FOXP2: variants seen among roughly 807,000 people sequenced by gnomAD.
FOXP2 encodes the protein forkhead box protein P2.
FOXP2 carries 12 observed loss-of-function variants against 115.8 expected under a neutral mutation model. The observed-to-expected ratio is 0.10, with a 90% CI of 0.07 to 0.17. FOXP2 has a LOEUF of 0.17. Among genes scored for constraint, FOXP2 ranks in the 10% least tolerant of loss-of-function variants. The pLI is 1.00. For missense variants in FOXP2, 629 were observed against 843.5 expected (o/e 0.75, Z 3.15); for synonymous variants, 328 against 297.7 (o/e 1.10, Z -1.05).
intron 2 of FOXP2, among the ~76,000 whole-genome samples, chr7:114,492,500 T>A (rs1263989070): frequency 6.6e-6 from 1 of 152,158 alleles, no homozygotes; most frequent in Non-Finnish European, 1.5e-5. Context: ...TTAATTGTGA[T>A]GTTAGGGTGT....
chr7:114,440,229 A>G (rs1161801688), intron 2 of FOXP2, among the ~76,000 whole-genome samples: 3 of 152,168 alleles, frequency 2.0e-5, no homozygotes, highest in Non-Finnish European at 2.9e-5. Context: ...TAAATCCTAT[A>G]CCCTTTTAAA....
rs1372634410 is a variant in FOXP2, at chr7:114,692,336, T to C, written c.*2410T>C. On this transcript the variant is annotated 3_prime_UTR_variant, in exon 17 of 17. Transcript: ENST00000350908. Reference sequence around the variant, plus strand: ...TACCTGTAGAGTTTTGCATGGGTTTTATATGAATACAATTTTAAAAAATAG... The same window carrying C: ...TACCTGTAGAGTTTTGCATGGGTTTCATATGAATACAATTTTAAAAAATAG... 2.2e-6 allele frequency: 1 copy of C among 453,992 alleles called. No homozygotes were observed. Among genetic ancestry groups the C allele is most frequent in the East Asian group, 6.9e-5 (1 of 14,394 alleles). 28.1% of individuals were successfully genotyped at this position (453,992 alleles called of 1,614,324 possible).
chr7:114,333,884 T>C (rs1797775080), intron 2 of FOXP2, among the ~76,000 whole-genome samples: 1 of 147,026 alleles, frequency 6.8e-6, no homozygotes, highest in Non-Finnish European at 1.5e-5. Context: ...TGAGACTCCA[T>C]CTCAATTAAA....
At position 114,232,338 on chromosome 7, in the gene FOXP2, T is replaced by C. The variant is rs561644289; in HGVS notation, c.-101-55681T>C. Among the ~76,000 whole-genome samples, 61 of 152,288 alleles carry C rather than the reference T, an allele frequency of 4.0e-4. 1 individual carries two copies. The South Asian group carries it at 0.012, about 30-fold the overall frequency. On this transcript the variant is annotated intron_variant, in intron 1 of 17. Coordinates refer to the FOXP2 transcript ENST00000634411. ...CCAAAAATTAAAAATAGAACTACCTTGTGATCCATCAATCCTACTTCTAGT... is the reference window on the plus strand; with the variant it reads ...CCAAAAATTAAAAATAGAACTACCTCGTGATCCATCAATCCTACTTCTAGT...
At chr7:114,641,100 C>T (rs952239511) in intron 6 of FOXP2, among the ~76,000 whole-genome samples, 1 of 152,124 alleles carries the variant, frequency 6.6e-6, no homozygotes, top group East Asian at 1.9e-4. Context: ...GGATTTAAAT[C>T]ACAACTTTAC....
intron 3 of FOXP2, among the ~76,000 whole-genome samples, chr7:114,589,841 G>A (rs1802354481): frequency 1.3e-5 from 2 of 152,014 alleles, no homozygotes; most frequent in Non-Finnish European, 2.9e-5. Context: ...TCTTTTGTTT[G>A]TCAACTTAGG....
intron 2 of FOXP2, among the ~76,000 whole-genome samples, chr7:114,370,144 A>G (rs1029529731): frequency 6.6e-6 from 1 of 152,166 alleles, no homozygotes; most frequent in Non-Finnish European, 1.5e-5. Flanking sequence ...ATTAAGTTCT[A>G]TGTCAGTCTC....
intron 1 of FOXP2, among the ~76,000 whole-genome samples, chr7:114,146,019 T>C (rs1252256597): frequency 6.6e-6 from 1 of 152,178 alleles, no homozygotes; most frequent in Non-Finnish European, 1.5e-5. Flanking sequence ...CTGGGTACTT[T>C]CTGTAGAGTG....
chr7:114,502,193 G>A (rs2129253137), intron 2 of FOXP2, among the ~76,000 whole-genome samples: 1 of 151,962 alleles, frequency 6.6e-6, no homozygotes, highest in Admixed American at 6.6e-5. Flanking sequence ...CATACTTAAG[G>A]CATATCTGTG....
At chr7:114,469,293 C>T (rs1562944938) in intron 2 of FOXP2, among the ~76,000 whole-genome samples, 2 of 152,054 alleles carry the variant, frequency 1.3e-5, no homozygotes, top group African/African-American at 2.4e-5. Flanking sequence ...TATCCTATGT[C>T]ATATACAATA....
chr7:114,659,765 T>C, intron 13 of FOXP2, 92 bp downstream of exon 13: 2 of 959,288 alleles, frequency 2.1e-6, no homozygotes, highest in Non-Finnish European at 3.4e-6. Context: ...AGCAGATTAG[T>C]ATCTGCTTCC....
At chr7:114,495,798 T>C (rs746229408) in intron 2 of FOXP2, among the ~76,000 whole-genome samples, 3 of 152,154 alleles carry the variant, frequency 2.0e-5, no homozygotes, top group Non-Finnish European at 1.5e-5. Context: ...TAAGCAACCA[T>C]GCCCGGCCAC....
chr7:114,123,845 C>T (rs542352620), intron 1 of FOXP2, among the ~76,000 whole-genome samples: 1 of 151,978 alleles, frequency 6.6e-6, no homozygotes, highest in Non-Finnish European at 1.5e-5. Flanking sequence ...CTACCATACA[C>T]AGCATTTTCT....
chr7:114,415,548 GTT>G, intron 1 of FOXP2, among the ~76,000 whole-genome samples, 188 bp downstream of exon 1: 1 of 151,702 alleles, frequency 6.6e-6, no homozygotes, highest in South Asian at 2.1e-4. Flanking sequence ...CACAGGAACT[GTT>G]TTTGATCTGT....
At chr7:114,146,156 C>T (rs935436516) in intron 1 of FOXP2, among the ~76,000 whole-genome samples, 18 of 152,070 alleles carry the variant, frequency 1.2e-4, no homozygotes, top group African/African-American at 4.3e-4. Flanking sequence ...AAACTAGATA[C>T]CATGTAAACT....
At chr7:114,356,823 C>A (rs1386742611) in intron 2 of FOXP2, among the ~76,000 whole-genome samples, 1 of 152,126 alleles carries the variant, frequency 6.6e-6, no homozygotes. Context: ...AATTATATTT[C>A]CGGATTGAAT....
intron 2 of FOXP2, among the ~76,000 whole-genome samples, chr7:114,517,087 TC>T (rs1436193266): frequency 1.3e-5 from 2 of 152,154 alleles, no homozygotes; most frequent in African/African-American, 4.8e-5. Flanking sequence ...TATTTTGTAT[TC>T]ATCTGATGAT....
chr7:114,211,800 C>T (rs1203933637), intron 1 of FOXP2, among the ~76,000 whole-genome samples: 1 of 152,080 alleles, frequency 6.6e-6, no homozygotes, highest in African/African-American at 2.4e-5. Context: ...CTGCCGGGCA[C>T]GATGGCTCAC....
chr7:114,599,781 TC>T, intron 3 of FOXP2, among the ~76,000 whole-genome samples: 1 of 152,248 alleles, frequency 6.6e-6, no homozygotes, highest in Non-Finnish European at 1.5e-5. Flanking sequence ...TTATGTCAAT[TC>T]TTTTTCTTAA....
Sources: allele counts gnomAD v4.1 joint callset (sites outside exome capture counted in the v4.1 genomes callset), GRCh38; gene constraint gnomAD v4.1.1; transcripts MANE v1.5; gene names NCBI Gene and HGNC (gene_info 2026-07-23, HGNC 2026-07-21).